The following POU2F1 variants were observed in gnomAD, a reference collection of about 807,000 sequenced individuals.
POU2F1 encodes POU class 2 homeobox 1, also known as POU domain, class 2, transcription factor 1.
Under a neutral mutation model 84.9 loss-of-function variants are expected in POU2F1, and 16 were observed. The ratio of observed to expected loss-of-function variants is 0.19; its 90% CI spans 0.13 to 0.29. The LOEUF is 0.29. Among genes scored for constraint, POU2F1 ranks in the 10% least tolerant of loss-of-function variants. The pLI is 1.00. For missense variants in POU2F1, 738 were observed against 942.6 expected, an observed-to-expected ratio of 0.78 and a Z score of 2.84; for synonymous variants, 368 against 368.3, an observed-to-expected ratio of 1.00 and a Z score of 0.01.
At chr1:167,258,992 C>G (rs909420952) in intron 1 of POU2F1, among the ~76,000 whole-genome samples, 3 of 152,164 alleles carry the variant, frequency 2.0e-5, no homozygotes, top group African/African-American at 7.2e-5. Context: ...TTTGCTAACC[C>G]CTGTTTTTAT....
chr1:167,375,909 C>A, intron 6 of POU2F1, 120 bp from the exon 7 acceptor site: 1 of 1,227,412 alleles, frequency 8.1e-7, no homozygotes, highest in Non-Finnish European at 1.2e-6. Context: ...AATATGAAAG[C>A]ATGCGAAGTA....
intron 1 of POU2F1, among the ~76,000 whole-genome samples, chr1:167,321,502 A>G (rs1451410338): frequency 1.3e-5 from 2 of 152,270 alleles, no homozygotes; most frequent in South Asian, 2.1e-4. Flanking sequence ...ATCTGTCAAC[A>G]TTCTCCATTT....
intron 1 of POU2F1, among the ~76,000 whole-genome samples, chr1:167,331,013 A>G (rs1277257330): frequency 6.6e-6 from 1 of 152,076 alleles, no homozygotes; most frequent in Non-Finnish European, 1.5e-5. Flanking sequence ...CTGATTTTTC[A>G]CTAAGTTGTA....
At chr1:167,280,816 G>C (rs1653079041) in intron 1 of POU2F1, among the ~76,000 whole-genome samples, 1 of 152,148 alleles carries the variant, frequency 6.6e-6, no homozygotes, top group Non-Finnish European at 1.5e-5. Context: ...TATCAGCTTA[G>C]ATTTCAAGCA....
chr1:167,315,028 A>G (rs905912339), intron 1 of POU2F1, among the ~76,000 whole-genome samples: 2 of 152,132 alleles, frequency 1.3e-5, no homozygotes, highest in African/African-American at 2.4e-5. Flanking sequence ...TGCTTTTGCC[A>G]TATGGCATGC....
intron 2 of POU2F1, among the ~76,000 whole-genome samples, chr1:167,336,860 C>T (rs1657493723): frequency 6.6e-6 from 1 of 151,998 alleles, no homozygotes; most frequent in African/African-American, 2.4e-5. Flanking sequence ...GAAACCCTGC[C>T]TCTACTAAAA....
intron 2 of POU2F1, among the ~76,000 whole-genome samples, chr1:167,337,256 G>T (rs749382472): frequency 1.3e-5 from 2 of 151,756 alleles, no homozygotes; most frequent in African/African-American, 4.8e-5. Context: ...AGCTTGGGCA[G>T]TCGAGGCTAC....
At position 167,421,757 on chromosome 1, in the gene POU2F1, C is replaced by G. The variant is rs1159475475; in HGVS notation, c.*5947C>G. The G allele has an allele frequency of 1.3e-5, 2 of 151,956 alleles. No homozygotes were observed. The highest frequency in any genetic ancestry group is 3.9e-4 in the East Asian group (2 of 5,190). 9.4% of individuals were successfully genotyped at this position (151,956 alleles called of 1,614,324 possible). On this transcript the variant is annotated 3_prime_UTR_variant, in exon 16 of 16. Coordinates refer to ENST00000367866, the MANE Select transcript of POU2F1 (RefSeq NM_002697.4). Reference sequence around the variant, plus strand: ...TGCAAAACTGGTTTTAAACTAAAAACCAAATAAATAAGTGAAAAAATTTTA... The same window carrying G: ...TGCAAAACTGGTTTTAAACTAAAAAGCAAATAAATAAGTGAAAAAATTTTA...
chr1:167,376,120 A>G lies in POU2F1; in HGVS notation c.683A>G (p.Gln228Arg). 1.2e-6 allele frequency: 2 copies of G among 1,614,236 alleles called. No individual in the cohort carries two copies. The highest frequency in any genetic ancestry group is 1.7e-6 in the Non-Finnish European group (2 of 1,180,052). Reference sequence around the variant, plus strand: ...CCAACCACCAATTTGCAGCCAGCGCAGTTTATCATCTCACAGACGCCCCAG... The same window carrying G: ...CCAACCACCAATTTGCAGCCAGCGCGGTTTATCATCTCACAGACGCCCCAG... ...VHPTTNLQPA[Q>R]FIISQTPQGQ... The change falls in exon 7 of 16, where the codon CAG (glutamine) becomes CGG (arginine). Residue 228 changes from glutamine (Q) to arginine (R), a missense_variant. Physicochemically the swap from Gln to Arg is conservative, Grantham distance 43. Transcript: ENST00000367866.
At chr1:167,281,624 A>G (rs1212395062) in intron 1 of POU2F1, among the ~76,000 whole-genome samples, 1 of 152,248 alleles carries the variant, frequency 6.6e-6, no homozygotes, top group South Asian at 2.1e-4. Flanking sequence ...AACATGGTTC[A>G]AACAGTTGAC....
In POU2F1 at chr1:167,412,205, A is replaced by G; in HGVS notation, c.1802A>G (p.Gln601Arg). The G allele has an allele frequency of 6.2e-7, 1 of 1,612,472 alleles. No homozygotes were observed. The highest frequency in any genetic ancestry group is 8.5e-7 in the Non-Finnish European group (1 of 1,179,196). Residue 601 changes from glutamine to arginine, a missense_variant, in exon 14 of 16, where the codon CAA becomes CGA. Gln to Arg is a conservative substitution (Grantham distance 43). Around this residue, in one of 4 missense-constraint regions of POU2F1, gnomAD observed 319 missense variants for 386.0 expected, o/e 0.83. Transcript: ENST00000367866. Reference protein sequence around the residue: ...GLQTAAAAALQGAAQLPANAS... With the variant: ...GLQTAAAAALRGAAQLPANAS... ...CAAACAGCAGCAGCTGCTGCCCTTCAAGGAGCTGCACAGTTGCCAGCAAAT... is the reference window on the plus strand; with the variant it reads ...CAAACAGCAGCAGCTGCTGCCCTTCGAGGAGCTGCACAGTTGCCAGCAAAT...
At chr1:167,257,499 A>G (rs1026980747) in intron 1 of POU2F1, among the ~76,000 whole-genome samples, 2 of 152,212 alleles carry the variant, frequency 1.3e-5, no homozygotes, top group Non-Finnish European at 2.9e-5. Context: ...TTGGAACCGT[A>G]TAGGGCTGAA....
At chr1:167,343,705 A>G (rs1658016787) in intron 2 of POU2F1, among the ~76,000 whole-genome samples, 1 of 98,884 alleles carries the variant, frequency 1.0e-5, no homozygotes, top group Non-Finnish European at 1.8e-5. Flanking sequence ...GAAAGGGAGT[A>G]ATTTAAAATG....
chr1:167,274,454 C>G (rs570803440), intron 1 of POU2F1, among the ~76,000 whole-genome samples: 2 of 152,090 alleles, frequency 1.3e-5, no homozygotes, highest in East Asian at 3.9e-4. Flanking sequence ...TGAGTATTGC[C>G]TGGAATTTAC....
chr1:167,255,769 AG>A (rs1651086098), intron 1 of POU2F1, among the ~76,000 whole-genome samples: 2 of 152,176 alleles, frequency 1.3e-5, no homozygotes, highest in South Asian at 4.1e-4. Context: ...TGGATTTAGG[AG>A]ACAAGAAAGA....
intron 1 of POU2F1, chr1:167,328,963 T>C (rs1212019151): frequency 1.1e-6 from 1 of 919,892 alleles, no homozygotes; most frequent in African/African-American, 1.8e-5. Context: ...CAATCTTTGT[T>C]TCTATTTTAT....
intron 9 of POU2F1, among the ~76,000 whole-genome samples, chr1:167,389,969 CATTTACATTAT>C (rs1398232018): frequency 6.6e-6 from 1 of 152,172 alleles, no homozygotes; most frequent in Non-Finnish European, 1.5e-5. Context: ...ATTTACATAG[CATTTACATTAT>C]ATTAAGTATT....
In POU2F1 at chr1:167,383,909, C is replaced by A; in HGVS notation, c.771C>A (p.Ala257=). ...LLTQLPQQSQ[A]NLLQSQPSIT... The stretch of plus-strand genomic sequence containing the variant: ...CGCAACTACCTCAGCAAAGCCAAGC[C>A]AACCTCCTACAGTCGCAGCCAAGCA... Residue 257 remains alanine (A), a synonymous_variant, in exon 8 of 16, where the codon GCC becomes GCA. Transcript: ENST00000367866. 1 of 1,613,868 alleles carries A rather than the reference C, an allele frequency of 6.2e-7. No homozygotes were observed. The highest frequency in any genetic ancestry group is 8.5e-7 in the Non-Finnish European group (1 of 1,179,862).
chr1:167,251,610 G>A (rs991699470), intron 1 of POU2F1, among the ~76,000 whole-genome samples: 2 of 152,012 alleles, frequency 1.3e-5, no homozygotes, highest in African/African-American at 2.4e-5. Context: ...TGTATATCAA[G>A]TACTAGGAAA....
Sources: allele counts gnomAD v4.1 joint callset (sites outside exome capture counted in the v4.1 genomes callset), GRCh38; gene constraint gnomAD v4.1.1; regional missense constraint gnomAD v4.1.1; transcripts MANE v1.5; gene names NCBI Gene and HGNC (gene_info 2026-07-23, HGNC 2026-07-21).